B4GALT7: variants seen among roughly 807,000 people sequenced by gnomAD.
B4GALT7 encodes UDP-Gal:beta-GlcNAc beta-1,4-galactosyltransferase 7.
B4GALT7 carries 30 observed loss-of-function variants against 33.0 expected under a neutral mutation model. The observed-to-expected ratio is 0.91, with a 90% confidence interval of 0.68 to 1.23. The LOEUF is 1.23. B4GALT7 is among the 50% of genes most tolerant of loss of function. B4GALT7 has a pLI of 0.00. For synonymous variants in B4GALT7, 213 were observed against 187.2 expected, an observed-to-expected ratio of 1.14 and a Z score of -1.13; for missense variants, 507 against 450.8, an observed-to-expected ratio of 1.12 and a Z score of -1.13.
rs774117786 is a variant in B4GALT7 at position 177,606,223 on chromosome 5, C to T, written c.414-1079C>T. On this transcript the variant is annotated intron_variant, in intron 2 of 5. Transcript: ENST00000029410. This position sits in a 1 kb window ranked among gnomAD's most constrained non-coding sequence, Gnocchi z 4.2. The stretch of plus-strand genomic sequence containing the variant: ...CTGTTTCCTGGAGTTCTCTCCTAAA[C>T]TCCAGGCTCAACAGCCCAGCCATCT... 6.6e-6 allele frequency: 1 copy of T among 151,718 alleles called. No individual in the cohort carries two copies. The highest frequency in any genetic ancestry group is 2.4e-5 in the African/African-American group (1 of 41,234). 9.4% of individuals were successfully genotyped at this position (151,718 alleles called of 1,614,324 possible). A position where few individuals can be genotyped will look rare whatever the true frequency, so the allele number is the denominator to read the frequency against.
chr5:177,604,348 G>A lies in B4GALT7; in HGVS notation c.220G>A (p.Ala74Thr), dbSNP rs1195302755. ...GCAGGAGACCTCGGGCCCTCCCCGT[G>A]CCTGCCCCCCAGAGCCGCCCCCTGA... ...QGQETSGPPR[A>T]CPPEPPPEHW... The change falls in exon 2 of 6, where the codon GCC becomes ACC. Residue 74 changes from alanine (A) to threonine (T), a missense_variant. By Grantham distance (58) the Ala-to-Thr change is moderately conservative. Coordinates refer to ENST00000029410, the MANE Select transcript of B4GALT7 (RefSeq NM_007255.3). 6.2e-7 allele frequency: 1 copy of A among 1,611,484 alleles called. No individual in the cohort carries two copies. Among genetic ancestry groups the A allele is most frequent in the Middle Eastern group, 1.7e-4 (1 of 6,036 alleles).
At position 177,608,794 on chromosome 5, in the gene B4GALT7, C is replaced by A; in HGVS notation, c.724-116C>A. On this transcript the variant is annotated intron_variant, in intron 4 of 5. Coordinates refer to ENST00000029410, the MANE Select transcript of B4GALT7 (RefSeq NM_007255.3). This position sits in a 1 kb window ranked among gnomAD's most constrained non-coding sequence, Gnocchi z 4.1. ...AGTTCCTTGCCCTGTGGGCCCCAGTCTCCTCTCCTGCAGGCTGGGAGTGCA... is the reference window on the plus strand; with the variant it reads ...AGTTCCTTGCCCTGTGGGCCCCAGTATCCTCTCCTGCAGGCTGGGAGTGCA... 1.7e-6 allele frequency: 2 copies of A among 1,149,664 alleles called. No individual in the cohort carries two copies. The highest frequency in any genetic ancestry group is 2.6e-6 in the Non-Finnish European group (2 of 773,360). The allele number at this position is 1,149,664 out of a possible 1,614,324, so 71.2% of individuals were successfully genotyped here. A position where few individuals can be genotyped will look rare whatever the true frequency, so the allele number is the denominator to read the frequency against.
intron 3 of B4GALT7, 116 bp downstream of exon 3, chr5:177,607,643 A>G (rs1581995508): frequency 1.9e-6 from 2 of 1,047,270 alleles, no homozygotes; most frequent in Non-Finnish European, 2.8e-6. Context: ...GCCCTGGCCT[A>G]GCAGGAGAAC....
rs544830821 is a variant in B4GALT7 at position 177,607,946 on chromosome 5, A to G, written c.639+419A>G. The G allele has an allele frequency of 1.4e-3, 425 of 293,506 alleles. 1 individual carries two copies. Among genetic ancestry groups the G allele is most frequent in the African/African-American group, 8.5e-3 (392 of 46,118 alleles). 18.2% of individuals were successfully genotyped at this position (293,506 alleles called of 1,614,324 possible). A position where few individuals can be genotyped will look rare whatever the true frequency, so the allele number is the denominator to read the frequency against. ...GTGGGAGATGGGGCCCTTCCCTTGTAGCTCAGGCAGGAGTCCCGCAGTGAG... is the reference window on the plus strand; with the variant it reads ...GTGGGAGATGGGGCCCTTCCCTTGTGGCTCAGGCAGGAGTCCCGCAGTGAG... On this transcript the variant is annotated intron_variant, in intron 3 of 5. Coordinates refer to ENST00000029410, the MANE Select transcript of B4GALT7 (RefSeq NM_007255.3).
At position 177,607,309 on chromosome 5, in the gene B4GALT7, C is replaced by A. The variant is rs187063864; in HGVS notation, c.421C>A (p.Arg141=). 10 of 1,608,308 alleles carry A rather than the reference C, an allele frequency of 6.2e-6. No homozygotes were observed. The East Asian group carries it at 2.0e-4, about 32-fold the overall frequency. ...CTTGCCCACCCTGCACAGGTTCAAC[C>A]GGGCAGCGCTCATCAACGTGGGCTT... The part of the protein sequence containing the change: ...LNQVDHFRFN[R]AALINVGFLE... Residue 141 remains arginine, a synonymous_variant, in exon 3 of 6, where the codon CGG becomes AGG. Coordinates refer to ENST00000029410, the MANE Select transcript of B4GALT7 (RefSeq NM_007255.3).
At chr5:177,605,056 T>C (rs933189794) in intron 2 of B4GALT7, 23 of 455,876 alleles carry the variant, frequency 5.0e-5, no homozygotes, top group Admixed American at 4.9e-4. Context: ...TAACTCCCAC[T>C]GGAAGATGGA....
At chr5:177,601,571 C>T (rs1767842490) in intron 1 of B4GALT7, 1 of 152,212 alleles carries the variant, frequency 6.6e-6, no homozygotes, top group African/African-American at 2.4e-5. Flanking sequence ...TTACTGATGT[C>T]AATTCTGTGC....
At chr5:177,607,902 C>CG (rs1240050291) in intron 3 of B4GALT7, 1 of 331,322 alleles carries the variant, frequency 3.0e-6, no homozygotes, top group African/African-American at 2.1e-5. Context: ...CAGTCTGTAT[C>CG]CATCTAGGCC....
intron 1 of B4GALT7, chr5:177,602,835 G>T (rs1872624): frequency 1.0e-6 from 1 of 982,018 alleles, no homozygotes; most frequent in Non-Finnish European, 1.2e-6. Flanking sequence ...GCAAGGAACA[G>T]ATGAGTGAGG....
Position 177,604,253 on chromosome 5 carries a change from GCTT to G in B4GALT7, c.131_133del (p.Phe44del), listed in dbSNP as rs762698149. On this transcript the variant is annotated inframe_deletion, in exon 2 of 6. Coordinates refer to ENST00000029410, the MANE Select transcript of B4GALT7 (RefSeq NM_007255.3). ...CTGTTCGTGGCCTGCCTCTCGCTGG[GCTT>G]CTTCTCCCTACTCTGGCTGCAGCTC... 7.4e-6 allele frequency: 12 copies of G among 1,613,508 alleles called. No homozygotes were observed. Among genetic ancestry groups the G allele is most frequent in the East Asian group, 4.5e-5 (2 of 44,866 alleles).
At position 177,604,400 on chromosome 5, in the gene B4GALT7, GC is replaced by G. The variant is rs879255634; in HGVS notation, c.277del (p.His93ThrfsTer27). On this transcript the variant is annotated frameshift_variant, in exon 2 of 6. Transcript: ENST00000029410. LOFTEE classifies it high-confidence loss of function. ...PEHWEEDASWGPHRLAVLVPF... is the reference protein window; with the variant it reads ...PEHWEEDASWXPHRLAVLVPF... ...CACTGGGAAGAAGACGCATCCTGGGGCCCCCACCGCCTGGCAGTGCTGGTGC... is the reference window on the plus strand; with the variant it reads ...CACTGGGAAGAAGACGCATCCTGGGGCCCCACCGCCTGGCAGTGCTGGTGC... The G allele has an allele frequency of 1.9e-6, 3 of 1,613,610 alleles. No individual in the cohort carries two copies. Among genetic ancestry groups the G allele is most frequent in the African/African-American group, 2.7e-5 (2 of 74,898 alleles).
In B4GALT7 at chr5:177,606,863, C is replaced by T. The variant is rs989269531; in HGVS notation, c.414-439C>T. On this transcript the variant is annotated intron_variant, in intron 2 of 5. Coordinates refer to ENST00000029410, the MANE Select transcript of B4GALT7 (RefSeq NM_007255.3). This position sits in a 1 kb window ranked among gnomAD's most constrained non-coding sequence, Gnocchi z 4.2. ...TGCAGAGCCCTAGGCACCCACTGCC[C>T]TGTGGGTCATCTCTTCAGGCCTTCA... The T allele has an allele frequency of 5.9e-6, 2 of 339,308 alleles. No individual in the cohort carries two copies. The highest frequency in any genetic ancestry group is 4.3e-5 in the African/African-American group (2 of 46,604). 21.0% of individuals were successfully genotyped at this position (339,308 alleles called of 1,614,324 possible).
In B4GALT7 at chr5:177,604,166, G is replaced by T. The variant is rs1405020049; in HGVS notation, c.51-13G>T. 6.2e-7 allele frequency: 1 copy of T among 1,613,176 alleles called. No individual in the cohort carries two copies. Among genetic ancestry groups the T allele is most frequent in the African/African-American group, 1.3e-5 (1 of 74,916 alleles). On this transcript the variant is annotated splice_polypyrimidine_tract_variant and intron_variant, in intron 1 of 5. Transcript: ENST00000029410. ...TGCCCCGCCCTCCTGACCCTGTCCC[G>T]CGCTTGCTCCAGGTCCGGGTTGCTC...
intron 3 of B4GALT7, 63 bp downstream of exon 3, chr5:177,607,590 G>T: frequency 6.7e-7 from 1 of 1,502,762 alleles, no homozygotes; most frequent in Non-Finnish European, 9.2e-7. Flanking sequence ...CGGGTGGTGG[G>T]AAGGATGGGG....
At position 177,608,623 on chromosome 5, in the gene B4GALT7, G is replaced by A. The variant is rs1469363879; in HGVS notation, c.723+1G>A. The A allele has an allele frequency of 1.9e-6, 3 of 1,613,408 alleles. No homozygotes were observed. The East Asian group carries it at 6.7e-5, about 36-fold the overall frequency. On this transcript the variant is annotated splice_donor_variant, in intron 4 of 5. Coordinates refer to ENST00000029410, the MANE Select transcript of B4GALT7 (RefSeq NM_007255.3). LOFTEE classifies it high-confidence loss of function. The surrounding 1 kb of genome is among the most constrained non-coding windows in gnomAD (Gnocchi z 4.1). ...GCGCATTAAGGGAGCTGGGCTCCAG[G>A]TGAGATTCCCCGGGCCCCGCCGCCA...
chr5:177,607,279 C>T (rs1419169501), intron 2 of B4GALT7, 23 bp from the exon 3 acceptor site: 1 of 1,578,870 alleles, frequency 6.3e-7, no homozygotes, highest in East Asian at 2.3e-5. Context: ...CTGCCCCTGC[C>T]CAGCCTTGCC....
Position 177,600,980 on chromosome 5 carries a change from G to A in B4GALT7, c.50+720G>A, listed in dbSNP as rs1330924434. On this transcript the variant is annotated intron_variant, in intron 1 of 5. Coordinates refer to ENST00000029410, the MANE Select transcript of B4GALT7 (RefSeq NM_007255.3). The surrounding 1 kb of genome is among the most constrained non-coding windows in gnomAD (Gnocchi z 4.4). ...TTTTGTTTCTCACTAAAGCAGAATG[G>A]GGAAAGCGATTTGACTGCCTCCATT... 6.6e-6 allele frequency among the ~76,000 whole-genome samples: 1 copy of A among 152,196 alleles called. No homozygotes were observed. Among genetic ancestry groups the A allele is most frequent in the African/African-American group, 2.4e-5 (1 of 41,432 alleles).
At chr5:177,604,624 A>G (rs1767934397) in intron 2 of B4GALT7, 83 bp downstream of exon 2, 4 of 1,576,286 alleles carry the variant, frequency 2.5e-6, no homozygotes, top group Non-Finnish European at 3.5e-6. Context: ...CACCTGGGGC[A>G]GGGGCAGGAG....
intron 1 of B4GALT7, among the ~76,000 whole-genome samples, chr5:177,602,370 G>A (rs1484308486): frequency 6.6e-6 from 1 of 152,184 alleles, no homozygotes; most frequent in Admixed American, 6.5e-5. Context: ...ACCCCTTTCT[G>A]TAACTCACTT....
Sources: allele counts gnomAD v4.1 joint callset (sites outside exome capture counted in the v4.1 genomes callset), GRCh38; gene constraint gnomAD v4.1.1; non-coding constraint Gnocchi (gnomAD v3.1); transcripts MANE v1.5; gene names NCBI Gene and HGNC (gene_info 2026-07-23, HGNC 2026-07-21).